The following ZNF804A variants were observed in gnomAD, a reference collection of about 807,000 sequenced individuals.
ZNF804A encodes the protein zinc finger protein 804A.
In ZNF804A, 2 loss-of-function variants were observed where a neutral mutation model predicts 16.5. The observed-to-expected ratio is 0.12, with a 90% CI of 0.05 to 0.38. The LOEUF (loss-of-function observed/expected upper bound fraction) is 0.38. Ranked by LOEUF, ZNF804A falls within the 10% of genes least tolerant of loss-of-function variation. ZNF804A has a pLI of 0.99. For synonymous variants in ZNF804A, 534 were observed against 489.6 expected (o/e 1.09, Z -1.20); for missense variants, 1,473 against 1,390.7 (o/e 1.06, Z -0.94).
chr2:184,871,339 T>TA (rs913609769), intron 2 of ZNF804A, among the ~76,000 whole-genome samples: 60 of 149,964 alleles, frequency 4.0e-4, no homozygotes, highest in Non-Finnish European at 4.1e-4. Flanking sequence ...CAGCAGTTGG[T>TA]AAACTCTGAT....
At chr2:184,658,110 A>T (rs1212410659) in intron 1 of ZNF804A, among the ~76,000 whole-genome samples, 1 of 152,188 alleles carries the variant, frequency 6.6e-6, no homozygotes, top group Non-Finnish European at 1.5e-5. Flanking sequence ...CTCTTTGGTG[A>T]ATTTATGATA....
chr2:184,647,867 G>C (rs1691909472), intron 1 of ZNF804A, among the ~76,000 whole-genome samples: 1 of 152,126 alleles, frequency 6.6e-6, no homozygotes, highest in African/African-American at 2.4e-5. Context: ...GAGACATCCA[G>C]ATAGGAGAAA....
At chr2:184,605,757 G>A (rs139445363) in intron 1 of ZNF804A, among the ~76,000 whole-genome samples, 1 of 152,064 alleles carries the variant, frequency 6.6e-6, no homozygotes, top group African/African-American at 2.4e-5. Context: ...ATCCTAGGGG[G>A]ATCTTAGAAC....
chr2:184,731,101 A>G (rs780823553), intron 1 of ZNF804A, among the ~76,000 whole-genome samples: 2 of 151,548 alleles, frequency 1.3e-5, no homozygotes, highest in Non-Finnish European at 2.9e-5. Flanking sequence ...AAGTACACAA[A>G]TTCGGCAGGT....
Position 184,653,489 on chromosome 2 carries a change from TG to T in ZNF804A, c.111+54421del, listed in dbSNP as rs1692022199. 2.0e-5 allele frequency among the ~76,000 whole-genome samples: 3 copies of T among 152,208 alleles called. No individual in the cohort carries two copies. The South Asian group carries it at 6.2e-4, about 32-fold the overall frequency. ...GACCAAGGCAAGTTTCAGAGCAGGT[TG>T]GAAGTTCATTAAAAAGCTTTAGAGC... On this transcript the variant is annotated intron_variant, in intron 1 of 3. Transcript: ENST00000302277.
At chr2:184,664,336 G>C (rs1389763596) in intron 1 of ZNF804A, among the ~76,000 whole-genome samples, 1 of 152,100 alleles carries the variant, frequency 6.6e-6, no homozygotes, top group East Asian at 1.9e-4. Context: ...ATGTTGAAGA[G>C]TATAAATTAT....
At chr2:184,764,719 T>A (rs1356912333) in intron 1 of ZNF804A, among the ~76,000 whole-genome samples, 1 of 152,146 alleles carries the variant, frequency 6.6e-6, no homozygotes, top group Non-Finnish European at 1.5e-5. Flanking sequence ...CATGAGATAA[T>A]AAAACTGTTT....
Position 184,933,597 on chromosome 2 carries a change from T to TA in ZNF804A, c.256-4dup. 2 of 1,575,922 alleles carry TA rather than the reference T, an allele frequency of 1.3e-6. No homozygotes were observed. Among genetic ancestry groups the TA allele is most frequent in the Non-Finnish European group, 8.6e-7 (1 of 1,169,416 alleles). On this transcript the variant is annotated splice_region_variant and splice_polypyrimidine_tract_variant and intron_variant, in intron 2 of 3. Transcript: ENST00000302277. ...AATTAATCATTTTCCAACTTTTTTT[T>TA]AACAGAGGCTCAAGGAACTGAAACA...
Position 184,936,004 on chromosome 2 carries a change from A to T in ZNF804A, c.608A>T (p.Gln203Leu), listed in dbSNP as rs1459327011. The change falls in exon 4 of 4, where the codon CAA becomes CTA. Residue 203 changes from glutamine to leucine, a missense_variant. Transcript: ENST00000302277. ...GCAAAAAATAACCAAGTTGGGGATC[A>T]AGCCCAGGGGATTCACAGACACAAA... ...YTAKNNQVGD[Q>L]AQGIHRHKIG... is the part of the protein sequence containing the mutation. 1 of 1,614,064 alleles carries T rather than the reference A, an allele frequency of 6.2e-7. No homozygotes were observed. The highest frequency in any genetic ancestry group is 8.5e-7 in the Non-Finnish European group (1 of 1,179,964).
At chr2:184,620,423 AGTT>A (rs1691399234) in intron 1 of ZNF804A, among the ~76,000 whole-genome samples, 1 of 151,866 alleles carries the variant, frequency 6.6e-6, no homozygotes. Flanking sequence ...GTGAAAATAA[AGTT>A]GTGTTTTTGA....
chr2:184,609,439 C>T (rs989695770), intron 1 of ZNF804A, among the ~76,000 whole-genome samples: 2 of 152,190 alleles, frequency 1.3e-5, no homozygotes, highest in African/African-American at 4.8e-5. Context: ...GATTCAGCCA[C>T]TAGGAGTTAA....
intron 1 of ZNF804A, among the ~76,000 whole-genome samples, chr2:184,797,848 C>T (rs1425092230): frequency 6.6e-6 from 1 of 151,960 alleles, no homozygotes; most frequent in Non-Finnish European, 1.5e-5. Context: ...GATGTGCTTC[C>T]AGGATGCGTT....
chr2:184,886,920 G>C (rs1216281655), intron 2 of ZNF804A, among the ~76,000 whole-genome samples: 2 of 152,204 alleles, frequency 1.3e-5, no homozygotes, highest in Non-Finnish European at 2.9e-5. Context: ...TTTCCCCATG[G>C]TTTTTGGGAT....
At chr2:184,930,670 T>C (rs1387048871) in intron 2 of ZNF804A, among the ~76,000 whole-genome samples, 3 of 152,184 alleles carry the variant, frequency 2.0e-5, no homozygotes, top group Non-Finnish European at 2.9e-5. Flanking sequence ...TTATTCATAG[T>C]GATGAACTTT....
intron 1 of ZNF804A, among the ~76,000 whole-genome samples, chr2:184,796,214 G>A (rs1694627979): frequency 6.6e-6 from 1 of 152,032 alleles, no homozygotes; most frequent in Admixed American, 6.6e-5. Flanking sequence ...TTTGGTATTA[G>A]GGTGATACTG....
intron 1 of ZNF804A, among the ~76,000 whole-genome samples, chr2:184,718,523 A>G (rs1424643299): frequency 1.3e-5 from 2 of 152,212 alleles, no homozygotes; most frequent in Non-Finnish European, 2.9e-5. Flanking sequence ...ATAAAAAGCA[A>G]GTTAGTTACT....
At position 184,937,111 on chromosome 2, in the gene ZNF804A, C is replaced by T. The variant is rs760040452; in HGVS notation, c.1715C>T (p.Thr572Ile). 2 of 1,604,450 alleles carry T rather than the reference C, an allele frequency of 1.2e-6. No homozygotes were observed. The highest frequency in any genetic ancestry group is 1.7e-6 in the Non-Finnish European group (2 of 1,177,636). The change falls in exon 4 of 4, where the codon ACT becomes ATT. Residue 572 changes from threonine to isoleucine, a missense_variant. Thr to Ile is a moderately conservative substitution (Grantham distance 89). Coordinates refer to ENST00000302277, the MANE Select transcript of ZNF804A (RefSeq NM_194250.2). The stretch of plus-strand genomic sequence containing the variant: ...ACTAAAAGTCAAATAAAACAGGACA[C>T]TCTAGATGAAAAATACAACAAAATA... ...NFTKSQIKQDTLDEKYNKIRL... is the reference protein window; with the variant it reads ...NFTKSQIKQDILDEKYNKIRL...
At chr2:184,783,294 T>C (rs11903723) in intron 1 of ZNF804A, among the ~76,000 whole-genome samples, 2 of 151,440 alleles carry the variant, frequency 1.3e-5, no homozygotes, top group Non-Finnish European at 3.0e-5. Flanking sequence ...AAAATGAATG[T>C]GGTTAGTGAT....
rs531772727 is a variant in ZNF804A, at chr2:184,851,554, A to G, written c.112-14815A>G. Among the ~76,000 whole-genome samples, 15 of 151,970 alleles carry G rather than the reference A, an allele frequency of 9.9e-5. No individual in the cohort carries two copies. The East Asian group carries it at 2.9e-3, about 29-fold the overall frequency. ...AGTGATAGCATTCCACTGCGCATAT[A>G]TACACAACACATTGTCTTTATCTCT... On this transcript the variant is annotated intron_variant, in intron 1 of 3. Transcript: ENST00000302277.
Sources: gnomAD v4.1 joint callset for allele counts (sites outside exome capture counted in the v4.1 genomes callset) on GRCh38, gnomAD v4.1.1 for gene constraint, MANE v1.5 for transcripts, NCBI Gene and HGNC (gene_info 2026-07-23, HGNC 2026-07-21) for gene names.